OR11H4: variants seen among roughly 807,000 people sequenced by gnomAD.
OR11H4 encodes the protein olfactory receptor family 11 subfamily H member 4, also known as olfactory receptor 11H4.
For synonymous variants in OR11H4, 162 were observed against 142.3 expected (o/e 1.14, Z -0.98); for missense variants, 460 against 371.1 (o/e 1.24, Z -1.97).
chr14:20,241,522 G>T (rs1039388501), intron 1 of OR11H4, among the ~76,000 whole-genome samples: 1 of 152,148 alleles, frequency 6.6e-6, no homozygotes, highest in African/African-American at 2.4e-5. Context: ...GGAAAAGAAA[G>T]AAAATAAATT....
intron 1 of OR11H4, among the ~76,000 whole-genome samples, chr14:20,241,204 G>GTA (rs1880909834): frequency 6.6e-6 from 1 of 151,718 alleles, no homozygotes; most frequent in Non-Finnish European, 1.5e-5. Context: ...CATCTACATG[G>GTA]TATCTGATTA....
chr14:20,241,167 G>T (rs900658806), intron 1 of OR11H4, among the ~76,000 whole-genome samples: 1 of 151,782 alleles, frequency 6.6e-6, no homozygotes, highest in Non-Finnish European at 1.5e-5. Flanking sequence ...CTAAATTTTT[G>T]TATAGAAAAC....
At chr14:20,242,287 G>C (rs1880950589) in intron 1 of OR11H4, among the ~76,000 whole-genome samples, 1 of 152,114 alleles carries the variant, frequency 6.6e-6, no homozygotes, top group African/African-American at 2.4e-5. Flanking sequence ...CTGGTTTATT[G>C]AGACTAGAGA....
Position 20,243,812 on chromosome 14 carries a change from G to A in OR11H4, c.*46G>A, listed in dbSNP as rs778038916. On this transcript the variant is annotated 3_prime_UTR_variant, in exon 2 of 2. Coordinates refer to ENST00000641082, the MANE Select transcript of OR11H4 (RefSeq NM_001004479.2). The stretch of plus-strand genomic sequence containing the variant: ...ACAAGTTCTAACGAAGAACAAGGTC[G>A]AGATGTTGTCAGTTCTTTAGCAGTC... 2.0e-5 allele frequency: 30 copies of A among 1,524,474 alleles called. No homozygotes were observed. The highest frequency in any genetic ancestry group is 8.0e-5 in the South Asian group (6 of 75,136). 94.4% of individuals were successfully genotyped at this position (1,524,474 alleles called of 1,614,324 possible). A position where few individuals can be genotyped will look rare whatever the true frequency, so the allele number is the denominator to read the frequency against.
At position 20,242,966 on chromosome 14, in the gene OR11H4, G is replaced by T. The variant is rs1880969778; in HGVS notation, c.145G>T (p.Val49Leu). Residue 49 changes from valine to leucine, a missense_variant, in exon 2 of 2, where the codon GTG becomes TTG. Coordinates refer to ENST00000641082, the MANE Select transcript of OR11H4 (RefSeq NM_001004479.2). ...LLGNGAIIYA[V>L]RCNPLLHTPM... is the part of the protein sequence containing the mutation. ...GGGAAATGGAGCCATCATCTATGCAGTGAGATGCAACCCACTACTACACAC... is the reference window on the plus strand; with the variant it reads ...GGGAAATGGAGCCATCATCTATGCATTGAGATGCAACCCACTACTACACAC... 1.2e-6 allele frequency: 2 copies of T among 1,614,094 alleles called. No homozygotes were observed. Among genetic ancestry groups the T allele is most frequent in the East Asian group, 2.2e-5 (1 of 44,884 alleles).
chr14:20,241,857 G>A (rs1306937598), intron 1 of OR11H4, among the ~76,000 whole-genome samples: 1 of 152,070 alleles, frequency 6.6e-6, no homozygotes, highest in Non-Finnish European at 1.5e-5. Context: ...AAGTTCAAGG[G>A]AAGGTACTAT....
At position 20,243,841 on chromosome 14, in the gene OR11H4, C is replaced by T. The variant is rs981026844; in HGVS notation, c.*75C>T. On this transcript the variant is annotated 3_prime_UTR_variant, in exon 2 of 2. Coordinates refer to ENST00000641082, the MANE Select transcript of OR11H4 (RefSeq NM_001004479.2). Reference sequence around the variant, plus strand: ...TGTTGTCAGTTCTTTAGCAGTCTTTCAGTCCTCAGTCTGAGTAGTTAGAGG... The same window carrying T: ...TGTTGTCAGTTCTTTAGCAGTCTTTTAGTCCTCAGTCTGAGTAGTTAGAGG... 1.4e-6 allele frequency: 2 copies of T among 1,422,392 alleles called. No homozygotes were observed. The highest frequency in any genetic ancestry group is 1.9e-6 in the Non-Finnish European group (2 of 1,056,708). The allele number at this position is 1,422,392 out of a possible 1,614,324, so 88.1% of individuals were successfully genotyped here.
chr14:20,242,104 C>T (rs1474975417), intron 1 of OR11H4, among the ~76,000 whole-genome samples: 1 of 152,044 alleles, frequency 6.6e-6, no homozygotes, highest in Non-Finnish European at 1.5e-5. Flanking sequence ...AGGCTTTCCT[C>T]TTTTACTAAT....
At chr14:20,242,138 G>A (rs113575429) in intron 1 of OR11H4, among the ~76,000 whole-genome samples, 42 of 152,050 alleles carry the variant, frequency 2.8e-4, no homozygotes, top group African/African-American at 6.5e-4. Flanking sequence ...GACCCTTTAC[G>A]GGTGTCCGGC....
chr14:20,239,643 G>A (rs1230332809), intron 1 of OR11H4, among the ~76,000 whole-genome samples: 4 of 151,912 alleles, frequency 2.6e-5, no homozygotes, highest in South Asian at 4.2e-4. Context: ...GCAGTGAGCC[G>A]AGATCGCGCC....
chr14:20,243,606 C>T lies in OR11H4; in HGVS notation c.785C>T (p.Pro262Leu). ...ACAGTCATGGTAATGTATGTAAGTC[C>T]TACATATGGGATCCCAACTTTATTG... ...YGTVMVMYVSPTYGIPTLLQK... is the reference protein window; with the variant it reads ...YGTVMVMYVSLTYGIPTLLQK... The change falls in exon 2 of 2, where the codon CCT becomes CTT. Residue 262 changes from proline to leucine, a missense_variant. Physicochemically the swap from Pro to Leu is moderately conservative, Grantham distance 98. Transcript: ENST00000641082. 6.2e-7 allele frequency: 1 copy of T among 1,613,406 alleles called. No individual in the cohort carries two copies. Among genetic ancestry groups the T allele is most frequent in the East Asian group, 2.2e-5 (1 of 44,874 alleles).
intron 1 of OR11H4, among the ~76,000 whole-genome samples, chr14:20,241,065 A>G (rs1030572985): frequency 1.3e-5 from 2 of 152,168 alleles, no homozygotes; most frequent in African/African-American, 4.8e-5. Flanking sequence ...ACAAAATTCT[A>G]ATACATAGGA....
intron 1 of OR11H4, among the ~76,000 whole-genome samples, chr14:20,240,579 CTTT>C (rs34514476): frequency 2.8e-5 from 3 of 105,276 alleles, no homozygotes; most frequent in Admixed American, 8.4e-5. Flanking sequence ...AAACTACCTT[CTTT>C]TTTTTTTTTT....
chr14:20,240,761 G>A (rs528120502), intron 1 of OR11H4, among the ~76,000 whole-genome samples: 4 of 151,798 alleles, frequency 2.6e-5, no homozygotes. Context: ...ATTTTTAGCA[G>A]ACAAGGGTTT....
At position 20,243,982 on chromosome 14, in the gene OR11H4, T is replaced by G. The variant is rs149375542; in HGVS notation, c.*216T>G. On this transcript the variant is annotated 3_prime_UTR_variant, in exon 2 of 2. Transcript: ENST00000641082. ...TAAAAGTTTTCAAAGCCTGTCTTTA[T>G]TAGAATGATAAAATGGAATTTCTAC... 2.0e-3 allele frequency: 837 copies of G among 419,190 alleles called. 8 individuals carry two copies. Among genetic ancestry groups the G allele is most frequent in the African/African-American group, 0.015 (757 of 49,704 alleles). 26.0% of individuals were successfully genotyped at this position (419,190 alleles called of 1,614,324 possible).
chr14:20,241,144 C>G (rs1880907400), intron 1 of OR11H4, among the ~76,000 whole-genome samples: 1 of 152,040 alleles, frequency 6.6e-6, no homozygotes, highest in East Asian at 1.9e-4. Context: ...ACCGAAAAAG[C>G]TCACTAAATA....
chr14:20,242,154 G>A (rs1880945902), intron 1 of OR11H4, among the ~76,000 whole-genome samples: 1 of 151,960 alleles, frequency 6.6e-6, no homozygotes, highest in African/African-American at 2.4e-5. Context: ...CCGGCTGGGG[G>A]ACGGTCAGGT....
Position 20,243,423 on chromosome 14 carries a change from C to G in OR11H4, c.602C>G (p.Thr201Ser). ...CCCATAACTGAATGTATTTTCTATA[C>G]TCAGAGCTCCCTTGTCCTCTTTTTC... is the stretch of plus-strand genomic sequence containing the variant. ...PAPITECIFY[T>S]QSSLVLFFTS... The change falls in exon 2 of 2, where the codon ACT becomes AGT. Residue 201 changes from threonine (T) to serine (S), a missense_variant. Transcript: ENST00000641082. The G allele has an allele frequency of 6.2e-7, 1 of 1,613,826 alleles. No individual in the cohort carries two copies. The highest frequency in any genetic ancestry group is 1.3e-5 in the African/African-American group (1 of 75,016).
intron 1 of OR11H4, among the ~76,000 whole-genome samples, chr14:20,239,539 A>C (rs1358587200): frequency 1.3e-5 from 2 of 152,000 alleles, no homozygotes; most frequent in Admixed American, 1.3e-4. Context: ...CTAAAAATAC[A>C]AAAAATTAGC....
Sources: gnomAD v4.1 joint callset for allele counts (sites outside exome capture counted in the v4.1 genomes callset) on GRCh38, gnomAD v4.1.1 for gene constraint, MANE v1.5 for transcripts, NCBI Gene and HGNC (gene_info 2026-07-23, HGNC 2026-07-21) for gene names.